Variants in NPSR1 observed in about 807,000 individuals in gnomAD.
The protein encoded by NPSR1 is neuropeptide S receptor.
A neutral mutation model predicts 46.9 loss-of-function variants in NPSR1; 48 were observed. That is an observed-to-expected ratio of 1.02 (90% CI 0.81 to 1.30). NPSR1 has a LOEUF of 1.30. NPSR1 is among the 50% of genes most tolerant of loss of function. The pLI is 0.00. For synonymous variants in NPSR1, 176 were observed against 168.1 expected (o/e 1.05, Z -0.36); for missense variants, 450 against 449.5 (o/e 1.00, Z -0.01).
At position 34,684,692 on chromosome 7, in the gene NPSR1, A is replaced by C. The variant is rs1176519134; in HGVS notation, c.280+8A>C. On this transcript the variant is annotated splice_region_variant and intron_variant, in intron 2 of 8. Coordinates refer to ENST00000360581, the MANE Select transcript of NPSR1 (RefSeq NM_207172.2). ...CTCAGCTGGCCATCACAGGTAAGTA[A>C]CTATGCAAGTGAGAGGCAGGAAGCT... The C allele has an allele frequency of 6.2e-7, 1 of 1,606,070 alleles. No homozygotes were observed. Among genetic ancestry groups the C allele is most frequent in the Non-Finnish European group, 8.5e-7 (1 of 1,176,392 alleles).
intron 3 of NPSR1, among the ~76,000 whole-genome samples, chr7:34,785,032 T>C (rs1290323925): frequency 2.0e-5 from 3 of 152,138 alleles, no homozygotes; most frequent in Non-Finnish European, 4.4e-5. Flanking sequence ...CATTACTGGG[T>C]ATTTACCCAA....
chr7:34,760,958 A>G (rs1786143255), intron 2 of NPSR1, among the ~76,000 whole-genome samples: 1 of 152,202 alleles, frequency 6.6e-6, no homozygotes. Flanking sequence ...AGCAGTCATC[A>G]TCACGTAGTA....
At chr7:34,750,663 A>G (rs1335394651) in intron 2 of NPSR1, 2 of 697,706 alleles carry the variant, frequency 2.9e-6, no homozygotes, top group Non-Finnish European at 5.4e-6. Flanking sequence ...CCCATAACTG[A>G]CAAAAAAGAA....
intron 3 of NPSR1, among the ~76,000 whole-genome samples, chr7:34,801,506 C>A (rs1429275086): frequency 7.1e-5 from 9 of 126,210 alleles, no homozygotes; most frequent in Non-Finnish European, 1.3e-4. Flanking sequence ...AGGCCTTTGA[C>A]AAAATTCAAC....
chr7:34,705,674 C>T (rs1794069960), intron 2 of NPSR1, among the ~76,000 whole-genome samples: 1 of 151,926 alleles, frequency 6.6e-6, no homozygotes, highest in Non-Finnish European at 1.5e-5. Flanking sequence ...TTAAACTTTG[C>T]TAATGTGATA....
In NPSR1 at chr7:34,794,365, GAAAAT is replaced by G. The variant is rs948238609; in HGVS notation, c.384+15811_384+15815del. ...TATGTACGATTATTCTGGCTCAATT[GAAAAT>G]AAAATAAAATTTTAGAAACGTTAAG... On this transcript the variant is annotated intron_variant, in intron 3 of 8. Transcript: ENST00000360581. Among the ~76,000 whole-genome samples the G allele has an allele frequency of 1.1e-4, 16 of 151,844 alleles. No individual in the cohort carries two copies. In the East Asian group the frequency reaches 1.2e-3, roughly 11 times the overall value.
chr7:34,862,602 A>G (rs1791215410), intron 8 of NPSR1, among the ~76,000 whole-genome samples: 1 of 151,716 alleles, frequency 6.6e-6, no homozygotes, highest in South Asian at 2.1e-4. Flanking sequence ...CTCTGTAGAT[A>G]CTTTTGGGAA....
At chr7:34,750,308 C>G in intron 2 of NPSR1, 1 of 701,224 alleles carries the variant, frequency 1.4e-6, no homozygotes. Context: ...CTTGGGTGTC[C>G]TGTCTTCTGT....
chr7:34,797,247 AT>A (rs1372506050), intron 3 of NPSR1, among the ~76,000 whole-genome samples: 3 of 152,226 alleles, frequency 2.0e-5, no homozygotes, highest in African/African-American at 7.2e-5. Flanking sequence ...GTACTATACT[AT>A]AACAGTGGAC....
chr7:34,760,607 T>C (rs1349197454), intron 2 of NPSR1, among the ~76,000 whole-genome samples: 1 of 152,114 alleles, frequency 6.6e-6, no homozygotes, highest in Non-Finnish European at 1.5e-5. Context: ...AAATATCAAA[T>C]CATAACTGCA....
chr7:34,740,437 G>T lies in NPSR1; in HGVS notation c.281-38025G>T, dbSNP rs1226953463. Among the ~76,000 whole-genome samples, 5 of 151,444 alleles carry T rather than the reference G, an allele frequency of 3.3e-5. No homozygotes were observed. The East Asian group carries it at 9.7e-4, about 29-fold the overall frequency. On this transcript the variant is annotated intron_variant, in intron 2 of 8. Transcript: ENST00000360581. The stretch of plus-strand genomic sequence containing the variant: ...TGTCCAGGAGACTTCTAGTTTGGTA[G>T]CAATTGTTACGAAGTTCAGCTGGAG...
intron 4 of NPSR1, among the ~76,000 whole-genome samples, chr7:34,821,114 G>T (rs1312873671): frequency 1.4e-5 from 2 of 147,550 alleles, no homozygotes; most frequent in Non-Finnish European, 3.0e-5. Flanking sequence ...TACATTCATG[G>T]ATTTGTGATA....
intron 4 of NPSR1, among the ~76,000 whole-genome samples, chr7:34,818,803 A>G (rs1479662557): frequency 6.6e-6 from 1 of 152,228 alleles, no homozygotes; most frequent in Non-Finnish European, 1.5e-5. Context: ...AACCTGACAA[A>G]AACAAGAAAT....
chr7:34,832,106 A>G (rs1790148671), intron 5 of NPSR1, among the ~76,000 whole-genome samples: 1 of 152,242 alleles, frequency 6.6e-6, no homozygotes, highest in South Asian at 2.1e-4. Flanking sequence ...ATCAAAATGA[A>G]TAAAGAGAGA....
intron 5 of NPSR1, among the ~76,000 whole-genome samples, chr7:34,830,287 G>A (rs1295460532): frequency 6.6e-6 from 1 of 152,024 alleles, no homozygotes; most frequent in African/African-American, 2.4e-5. Context: ...CAAGGAAAGT[G>A]TTCACTCGTG....
At chr7:34,734,948 G>A (rs1784600178) in intron 2 of NPSR1, among the ~76,000 whole-genome samples, 1 of 152,070 alleles carries the variant, frequency 6.6e-6, no homozygotes, top group South Asian at 2.1e-4. Flanking sequence ...ATGGTGTTAT[G>A]CAATCTCCCC....
intron 6 of NPSR1, among the ~76,000 whole-genome samples, chr7:34,840,805 C>T (rs954977423): frequency 2.0e-5 from 3 of 152,224 alleles, no homozygotes; most frequent in South Asian, 2.1e-4. Flanking sequence ...ATCCAGAGAG[C>T]GTCACCATAG....
chr7:34,838,103 C>T (rs909477559), intron 6 of NPSR1, among the ~76,000 whole-genome samples: 2 of 152,098 alleles, frequency 1.3e-5, no homozygotes, highest in African/African-American at 2.4e-5. Context: ...ACAGCAGCAC[C>T]GCCCTTGCTC....
rs182298533 is a variant in NPSR1 at position 34,794,106 on chromosome 7, G to A, written c.384+15541G>A. ...AGGGTATGGGAGAACACTGGTCAAT[G>A]AGTACAATGTTAAAGTTAAATAGAG... On this transcript the variant is annotated intron_variant, in intron 3 of 8. Transcript: ENST00000360581. 2.2e-4 allele frequency among the ~76,000 whole-genome samples: 33 copies of A among 152,176 alleles called. No homozygotes were observed. The East Asian group carries it at 4.8e-3, about 22-fold the overall frequency.
Sources: allele counts gnomAD v4.1 joint callset (sites outside exome capture counted in the v4.1 genomes callset), GRCh38; gene constraint gnomAD v4.1.1; transcripts MANE v1.5; gene names NCBI Gene and HGNC (gene_info 2026-07-23, HGNC 2026-07-21).